The following HMCES variants were observed in gnomAD, a reference collection of about 807,000 sequenced individuals.
HMCES encodes the protein 5-hydroxymethylcytosine binding, ES cell specific, also known as abasic site processing protein HMCES.
A neutral mutation model predicts 35.1 loss-of-function variants in HMCES; 27 were observed. The observed-to-expected ratio is 0.77, with a 90% CI of 0.57 to 1.06. HMCES has a LOEUF of 1.06. HMCES is among the 50% of genes least tolerant of loss of function. The pLI, the probability that HMCES is intolerant of heterozygous loss-of-function variation, is 0.00. For synonymous variants in HMCES, 130 were observed against 154.7 expected (o/e 0.84, Z 1.18); for missense variants, 391 against 430.4 (o/e 0.91, Z 0.81).
chr3:129,288,707 A>G (rs1369527119), intron 2 of HMCES, 147 bp from the exon 3 acceptor site: 7 of 711,072 alleles, frequency 9.8e-6, no homozygotes, highest in Non-Finnish European at 1.4e-5. Flanking sequence ...AAAAAAATAA[A>G]AAAATTGTTT....
chr3:129,280,143 A>G (rs529388639), intron 2 of HMCES, among the ~76,000 whole-genome samples: 1 of 152,350 alleles, frequency 6.6e-6, no homozygotes, highest in African/African-American at 2.4e-5. Flanking sequence ...TGCCTTTGCT[A>G]TACATGGCAT....
intron 2 of HMCES, among the ~76,000 whole-genome samples, chr3:129,284,934 A>C (rs1481152793): frequency 6.6e-6 from 1 of 152,150 alleles, no homozygotes; most frequent in East Asian, 1.9e-4. Context: ...ATTAATGGAT[A>C]CAGCAGGCAG....
chr3:129,286,942 G>A (rs530745271), intron 2 of HMCES, among the ~76,000 whole-genome samples: 5 of 152,244 alleles, frequency 3.3e-5, no homozygotes, highest in East Asian at 1.9e-4. Flanking sequence ...ACAACCATGC[G>A]TTGGGAGTCC....
chr3:129,285,742 C>T (rs1307112971), intron 2 of HMCES, among the ~76,000 whole-genome samples: 2 of 149,814 alleles, frequency 1.3e-5, no homozygotes, highest in African/African-American at 2.5e-5. Context: ...CCACCGCGCC[C>T]GGCCCAGGAT....
intron 6 of HMCES, among the ~76,000 whole-genome samples, chr3:129,303,723 T>C (rs778282763): frequency 1.3e-5 from 2 of 151,998 alleles, no homozygotes; most frequent in Non-Finnish European, 2.9e-5. Context: ...GCTGCCCATT[T>C]CTGCCATGGT....
At chr3:129,294,624 C>G (rs1471229968) in intron 4 of HMCES, among the ~76,000 whole-genome samples, 17 of 152,124 alleles carry the variant, frequency 1.1e-4, no homozygotes, top group Admixed American at 1.1e-3. Context: ...CAATACATTG[C>G]TATTTTACTG....
rs764977083 is a variant in HMCES at position 129,279,714 on chromosome 3, C to A, written c.-19C>A. 6.2e-7 allele frequency: 1 copy of A among 1,610,858 alleles called. No individual in the cohort carries two copies. Among genetic ancestry groups the A allele is most frequent in the Non-Finnish European group, 8.5e-7 (1 of 1,178,758 alleles). On this transcript the variant is annotated 5_prime_UTR_variant, in exon 2 of 7. Coordinates refer to ENST00000383463, the MANE Select transcript of HMCES (RefSeq NM_020187.3). This position sits in a 1 kb window ranked among gnomAD's most constrained non-coding sequence, Gnocchi z 4.2. Reference sequence around the variant, plus strand: ...CTTACGTTTTGTAATTTAAAGGTTGCGAGGGGCGGTGTTGAAGAATGTGTG... The same window carrying A: ...CTTACGTTTTGTAATTTAAAGGTTGAGAGGGGCGGTGTTGAAGAATGTGTG...
Position 129,279,361 on chromosome 3 carries a change from G to A in HMCES, c.-23-349G>A, listed in dbSNP as rs2107682758. ...CGGGGACTGGGGGGAAGGACGGGGA[G>A]TTGGGGGCACCAAGTCACCCGGAGG... is the stretch of plus-strand genomic sequence containing the variant. On this transcript the variant is annotated intron_variant, in intron 1 of 6. Coordinates refer to ENST00000383463, the MANE Select transcript of HMCES (RefSeq NM_020187.3). This position sits in a 1 kb window ranked among gnomAD's most constrained non-coding sequence, Gnocchi z 4.2. 4.2e-6 allele frequency: 1 copy of A among 237,208 alleles called. No individual in the cohort carries two copies. The highest frequency in any genetic ancestry group is 4.4e-5 in the South Asian group (1 of 22,734). 14.7% of individuals were successfully genotyped at this position (237,208 alleles called of 1,614,324 possible). A position where few individuals can be genotyped will look rare whatever the true frequency, so the allele number is the denominator to read the frequency against.
rs147051185 is a variant in HMCES, at chr3:129,294,923, C to T, written c.454-3431C>T. On this transcript the variant is annotated intron_variant, in intron 4 of 6. Transcript: ENST00000383463. Reference sequence around the variant, plus strand: ...CTGTAATCCCAGCACTTCGGGAGGCCGAGGTGGGCGGATCACCAGGTCAGG... The same window carrying T: ...CTGTAATCCCAGCACTTCGGGAGGCTGAGGTGGGCGGATCACCAGGTCAGG... 9.0e-3 allele frequency among the ~76,000 whole-genome samples: 1,368 copies of T among 151,982 alleles called. 15 individuals carry two copies. The highest frequency in any genetic ancestry group is 0.031 in the African/African-American group (1,296 of 41,434).
At chr3:129,300,298 A>G (rs577601378) in intron 5 of HMCES, among the ~76,000 whole-genome samples, 1 of 152,194 alleles carries the variant, frequency 6.6e-6, no homozygotes, top group African/African-American at 2.4e-5. Context: ...TTTGTGGCTC[A>G]GTTCATCTGG....
chr3:129,291,297 A>G (rs1195031689), intron 4 of HMCES, among the ~76,000 whole-genome samples: 1 of 152,238 alleles, frequency 6.6e-6, no homozygotes, highest in Non-Finnish European at 1.5e-5. Flanking sequence ...ATGTTTTAGT[A>G]TGTTCAAAGT....
chr3:129,304,752 C>T lies in HMCES; in HGVS notation c.992C>T (p.Ala331Val), dbSNP rs2071214864. Residue 331 changes from alanine to valine, a missense_variant, in exon 7 of 7, where the codon GCA becomes GTA. Coordinates refer to ENST00000383463, the MANE Select transcript of HMCES (RefSeq NM_020187.3). ...CCACTCCCCACCAAGAGAGGCACTG[C>T]AGGACTCCTAGAGCAATGGCTGAAG... is the stretch of plus-strand genomic sequence containing the variant. ...KSPLPTKRGT[A>V]GLLEQWLKRE... 2 of 1,614,158 alleles carry T rather than the reference C, an allele frequency of 1.2e-6. No homozygotes were observed. The highest frequency in any genetic ancestry group is 1.7e-6 in the Non-Finnish European group (2 of 1,180,024).
chr3:129,287,483 G>C (rs953805096), intron 2 of HMCES, among the ~76,000 whole-genome samples: 1 of 151,892 alleles, frequency 6.6e-6, no homozygotes, highest in Admixed American at 6.6e-5. Flanking sequence ...TAGAGACTCA[G>C]GGTCCGAGGT....
At chr3:129,285,398 A>T (rs1302642729) in intron 2 of HMCES, among the ~76,000 whole-genome samples, 1 of 152,158 alleles carries the variant, frequency 6.6e-6, no homozygotes, top group African/African-American at 2.4e-5. Flanking sequence ...TTGGATAAGG[A>T]AAGTTGAAGG....
intron 4 of HMCES, among the ~76,000 whole-genome samples, chr3:129,295,158 CAAAAAA>C (rs77238172): frequency 1.5e-5 from 1 of 64,666 alleles, no homozygotes; most frequent in Non-Finnish European, 3.7e-5. Flanking sequence ...GACTCCATCT[CAAAAAA>C]AAAAAAAAAA....
At chr3:129,291,109 G>C (rs565460664) in intron 4 of HMCES, among the ~76,000 whole-genome samples, 73 of 152,110 alleles carry the variant, frequency 4.8e-4, no homozygotes, top group African/African-American at 1.7e-3. Flanking sequence ...GGCTGAGGTG[G>C]GAGGATCACT....
chr3:129,304,907 T>C lies in HMCES; in HGVS notation c.*82T>C. 1 of 1,169,846 alleles carries C rather than the reference T, an allele frequency of 8.5e-7. No homozygotes were observed. The highest frequency in any genetic ancestry group is 1.3e-5 in the South Asian group (1 of 76,616). 72.5% of individuals were successfully genotyped at this position (1,169,846 alleles called of 1,614,324 possible). ...GTTCTTAACATTGTATGTATATGTGTTTGCTTTGGGAGGAGGTGGCACTGT... is the reference window on the plus strand; with the variant it reads ...GTTCTTAACATTGTATGTATATGTGCTTGCTTTGGGAGGAGGTGGCACTGT... On this transcript the variant is annotated 3_prime_UTR_variant, in exon 7 of 7. Coordinates refer to ENST00000383463, the MANE Select transcript of HMCES (RefSeq NM_020187.3).
chr3:129,300,497 G>C (rs1462367026), intron 5 of HMCES, among the ~76,000 whole-genome samples: 2 of 152,166 alleles, frequency 1.3e-5, no homozygotes, highest in Admixed American at 1.3e-4. Context: ...TGCCAGAGCT[G>C]AGTACTCCCT....
chr3:129,279,482 C>T lies in HMCES; in HGVS notation c.-23-228C>T, dbSNP rs1940400586. ...TGCGCTCAGGCAGGCATTTGCAGAG[C>T]TCCTCTCGGGACTTGCCTCAGTGCC... On this transcript the variant is annotated intron_variant, in intron 1 of 6. Transcript: ENST00000383463. The surrounding 1 kb of genome is among the most constrained non-coding windows in gnomAD (Gnocchi z 4.2). Among the ~76,000 whole-genome samples, 1 of 152,202 alleles carries T rather than the reference C, an allele frequency of 6.6e-6. No individual in the cohort carries two copies. Among genetic ancestry groups the T allele is most frequent in the African/African-American group, 2.4e-5 (1 of 41,448 alleles).
Sources: gnomAD v4.1 joint callset for allele counts (sites outside exome capture counted in the v4.1 genomes callset) on GRCh38, gnomAD v4.1.1 for gene constraint, Gnocchi (gnomAD v3.1) non-coding constraint, MANE v1.5 for transcripts, NCBI Gene and HGNC (gene_info 2026-07-23, HGNC 2026-07-21) for gene names.